CCNT2: variants seen among roughly 807,000 people sequenced by gnomAD.
The protein encoded by CCNT2 is cyclin T2, also known as cyclin-T2.
Under a neutral mutation model 70.0 loss-of-function variants are expected in CCNT2, and 18 were observed. That is an observed-to-expected ratio of 0.26 (90% CI 0.18 to 0.38). CCNT2 has a LOEUF of 0.38. CCNT2 is among the 10% of genes least tolerant of loss of function. The pLI is 1.00. For synonymous variants in CCNT2, 334 were observed against 313.3 expected (o/e 1.07, Z -0.70); for missense variants, 734 against 890.2 (o/e 0.82, Z 2.23).
At chr2:134,931,688 C>T (rs1457708032) in intron 2 of CCNT2, among the ~76,000 whole-genome samples, 1 of 152,020 alleles carries the variant, frequency 6.6e-6, no homozygotes, top group Non-Finnish European at 1.5e-5. Flanking sequence ...GGAAAGTGGC[C>T]TTTTGTAACA....
intron 2 of CCNT2, among the ~76,000 whole-genome samples, chr2:134,922,165 T>C (rs577812087): frequency 6.6e-6 from 1 of 152,252 alleles, no homozygotes; most frequent in African/African-American, 2.4e-5. Flanking sequence ...TATACTGAAA[T>C]GTCATGGTAA....
chr2:134,949,810 G>GGA (rs1553525642), intron 7 of CCNT2, among the ~76,000 whole-genome samples: 1 of 133,688 alleles, frequency 7.5e-6, no homozygotes, highest in Admixed American at 7.6e-5. Context: ...TTCGGGGGGG[G>GGA]GGTGGGGGAC....
intron 2 of CCNT2, among the ~76,000 whole-genome samples, chr2:134,927,022 G>A (rs768328941): frequency 6.6e-6 from 1 of 152,246 alleles, no homozygotes; most frequent in Non-Finnish European, 1.5e-5. Context: ...GGAAATGAGT[G>A]TAAGATGAAG....
chr2:134,955,748 A>G lies in CCNT2; in HGVS notation c.*1100A>G, dbSNP rs989752992. 6.6e-6 allele frequency: 1 copy of G among 152,554 alleles called. No individual in the cohort carries two copies. Among genetic ancestry groups the G allele is most frequent in the Non-Finnish European group, 1.5e-5 (1 of 68,020 alleles). The allele number at this position is 152,554 out of a possible 1,614,324, so 9.5% of individuals were successfully genotyped here. A position where few individuals can be genotyped will look rare whatever the true frequency, so the allele number is the denominator to read the frequency against. The stretch of plus-strand genomic sequence containing the variant: ...GATGCCATATTTCTTTTTCAGGTAA[A>G]TGTAGTCTTCCTTATAAAAATGAAA... On this transcript the variant is annotated 3_prime_UTR_variant, in exon 9 of 9. Transcript: ENST00000264157.
At chr2:134,927,286 A>G (rs1680364037) in intron 2 of CCNT2, among the ~76,000 whole-genome samples, 1 of 152,270 alleles carries the variant, frequency 6.6e-6, no homozygotes, top group Non-Finnish European at 1.5e-5. Context: ...CTTATGAAGT[A>G]TTCCTGAAGC....
chr2:134,947,204 G>A (rs1682046736), intron 6 of CCNT2, among the ~76,000 whole-genome samples: 3 of 152,166 alleles, frequency 2.0e-5, no homozygotes, highest in Admixed American at 1.3e-4. Flanking sequence ...TGGCTTTGCT[G>A]AAAAACAAGG....
chr2:134,919,821 C>T lies in CCNT2; in HGVS notation c.170C>T (p.Thr57Ile). ...ATATTACGTTCCAGCTCTCAGCTTA[C>T]AATAAACACTGCGATTGTTTATATG... ...MGQRLNVSQL[T>I]INTAIVYMHR... Residue 57 changes from threonine to isoleucine, a missense_variant, in exon 2 of 9, where the codon ACA (threonine) becomes ATA (isoleucine). Coordinates refer to ENST00000264157, the MANE Select transcript of CCNT2 (RefSeq NM_058241.3). 6.2e-7 allele frequency: 1 copy of T among 1,610,576 alleles called. No homozygotes were observed. The highest frequency in any genetic ancestry group is 8.5e-7 in the Non-Finnish European group (1 of 1,177,856).
chr2:134,947,382 C>G (rs1682060784), intron 6 of CCNT2, among the ~76,000 whole-genome samples: 1 of 152,044 alleles, frequency 6.6e-6, no homozygotes, highest in Admixed American at 6.6e-5. Flanking sequence ...CATGACATTA[C>G]AAAAGAAAAA....
intron 2 of CCNT2, among the ~76,000 whole-genome samples, chr2:134,922,776 C>G (rs1016797545): frequency 1.4e-4 from 21 of 152,130 alleles, no homozygotes; most frequent in Non-Finnish European, 2.5e-4. Context: ...CTAATTTGGT[C>G]TTTTGTGATG....
At chr2:134,944,706 A>G (rs1681820370) in intron 5 of CCNT2, 4 of 983,574 alleles carry the variant, frequency 4.1e-6, no homozygotes, top group Non-Finnish European at 4.8e-6. Context: ...AGGTAACTAG[A>G]ATATATCTCA....
At chr2:134,950,468 G>A (rs1383953633) in intron 7 of CCNT2, among the ~76,000 whole-genome samples, 4 of 151,988 alleles carry the variant, frequency 2.6e-5, no homozygotes, top group Admixed American at 6.6e-5. Flanking sequence ...GCAAAACCAC[G>A]TTTCTACTAA....
chr2:134,929,988 AAGAG>A (rs998370003), intron 2 of CCNT2, among the ~76,000 whole-genome samples: 1 of 150,282 alleles, frequency 6.7e-6, no homozygotes, highest in Non-Finnish European at 1.5e-5. Context: ...TTAAAAAAAA[AAGAG>A]AGAGAGAGAG....
Position 134,954,799 on chromosome 2 carries a change from A to G in CCNT2, c.*151A>G, listed in dbSNP as rs1682831162. ...CTGCTTTATTCTTCATTCTGAAAAG[A>G]AGAGATTATAGTAAACAAGTCTTTA... On this transcript the variant is annotated 3_prime_UTR_variant, in exon 9 of 9. Transcript: ENST00000264157. The G allele has an allele frequency of 8.3e-6, 5 of 600,936 alleles. No individual in the cohort carries two copies. Among genetic ancestry groups the G allele is most frequent in the Non-Finnish European group, 1.5e-5 (5 of 338,312 alleles). The allele number at this position is 600,936 out of a possible 1,614,324, so 37.2% of individuals were successfully genotyped here.
At chr2:134,925,859 C>CTTTT (rs3041372) in intron 2 of CCNT2, among the ~76,000 whole-genome samples, 29 of 85,268 alleles carry the variant, frequency 3.4e-4, no homozygotes, top group African/African-American at 4.0e-4. Flanking sequence ...GGATAGCTGC[C>CTTTT]TTTTTTTTTT....
At chr2:134,928,945 G>A (rs970429179) in intron 2 of CCNT2, among the ~76,000 whole-genome samples, 1 of 152,148 alleles carries the variant, frequency 6.6e-6, no homozygotes, top group African/African-American at 2.4e-5. Flanking sequence ...GTTACTTTGT[G>A]TTGCTATAGC....
Position 134,954,150 on chromosome 2 carries a change from A to G in CCNT2, c.1695A>G (p.Ser565=), listed in dbSNP as rs1446928803. 6.2e-7 allele frequency: 1 copy of G among 1,614,192 alleles called. No individual in the cohort carries two copies. Among genetic ancestry groups the G allele is most frequent in the Admixed American group, 1.7e-5 (1 of 60,020 alleles). ...AGGAGAAGCACAAGGAGCATCCTTC[A>G]AGCCGCCACCACACCAGCAGCCACA... is the stretch of plus-strand genomic sequence containing the variant. ...DHKEKHKEHP[S]SRHHTSSHKH... is the part of the protein sequence containing the mutation. The change falls in exon 9 of 9, where the codon TCA becomes TCG. Residue 565 remains serine (S), a synonymous_variant. Coordinates refer to ENST00000264157, the MANE Select transcript of CCNT2 (RefSeq NM_058241.3).
chr2:134,947,977 G>A, intron 7 of CCNT2, 78 bp downstream of exon 7: 1 of 773,338 alleles, frequency 1.3e-6, no homozygotes, highest in Non-Finnish European at 2.0e-6. Context: ...GAAAGTGTCA[G>A]TACACTATCA....
At chr2:134,941,834 T>G (rs1170232152) in intron 4 of CCNT2, among the ~76,000 whole-genome samples, 1 of 152,222 alleles carries the variant, frequency 6.6e-6, no homozygotes, top group East Asian at 1.9e-4. Context: ...TTAGAAGATA[T>G]GCCTCTATGG....
chr2:134,947,635 TAG>T, intron 6 of CCNT2, 99 bp from the exon 7 acceptor site: 2 of 769,688 alleles, frequency 2.6e-6, no homozygotes. Context: ...GACTTAAAGA[TAG>T]AGTTTAAATT....
Sources: gnomAD v4.1 joint callset for allele counts (sites outside exome capture counted in the v4.1 genomes callset) on GRCh38, gnomAD v4.1.1 for gene constraint, MANE v1.5 for transcripts, NCBI Gene and HGNC (gene_info 2026-07-23, HGNC 2026-07-21) for gene names.